Variants in HECW2 observed in about 807,000 individuals in gnomAD.
HECW2 encodes E3 ubiquitin-protein ligase HECW2.
In HECW2, 61 loss-of-function variants were observed where a neutral mutation model predicts 175.2. That is an observed-to-expected ratio of 0.35 (90% confidence interval 0.28 to 0.43). The LOEUF (loss-of-function observed/expected upper bound fraction) is 0.43. Ranked by LOEUF, HECW2 falls within the 20% of genes least tolerant of loss-of-function variation. The pLI is 1.00. For synonymous variants in HECW2, 671 were observed against 731.0 expected, an observed-to-expected ratio of 0.92 and a Z score of 1.32; for missense variants, 1,524 against 2,000.5, an observed-to-expected ratio of 0.76 and a Z score of 4.54.
Position 196,462,112 on chromosome 2 carries a change from A to G in HECW2, c.-35-28654T>C, listed in dbSNP as rs371937082. 1.2e-3 allele frequency among the ~76,000 whole-genome samples: 183 copies of G among 152,240 alleles called. 1 individual carries two copies. The South Asian group carries it at 0.019, about 16-fold the overall frequency. ...TTTAGAAACAGGTTTTTTCCTCTTC[A>G]TAACATAATTTGAATCATATTAAAG... is the stretch of plus-strand genomic sequence containing the variant. On this transcript the variant is annotated intron_variant, in intron 1 of 28. Transcript: ENST00000644978.
intron 13 of HECW2, among the ~76,000 whole-genome samples, chr2:196,297,427 A>G (rs1373497959): frequency 1.3e-5 from 2 of 152,240 alleles, no homozygotes; most frequent in African/African-American, 4.8e-5. Context: ...AGGTTGTAGA[A>G]GTAAATGTCA....
chr2:196,357,119 A>G (rs1479014908), intron 2 of HECW2, among the ~76,000 whole-genome samples: 1 of 152,244 alleles, frequency 6.6e-6, no homozygotes, highest in African/African-American at 2.4e-5. Flanking sequence ...TGTGCAGAAC[A>G]GATGGTAGAA....
chr2:196,246,698 T>C (rs1688659426), intron 19 of HECW2, among the ~76,000 whole-genome samples: 1 of 152,018 alleles, frequency 6.6e-6, no homozygotes, highest in African/African-American at 2.4e-5. Context: ...CCAAGAAACA[T>C]GTTTTTTTAA....
chr2:196,499,599 T>C (rs1687511163), intron 1 of HECW2, among the ~76,000 whole-genome samples: 1 of 152,158 alleles, frequency 6.6e-6, no homozygotes, highest in Non-Finnish European at 1.5e-5. Flanking sequence ...TCCAGACACA[T>C]TTTATCTTTA....
chr2:196,264,750 A>T (rs1331080435), intron 17 of HECW2, among the ~76,000 whole-genome samples: 1 of 152,216 alleles, frequency 6.6e-6, no homozygotes, highest in Non-Finnish European at 1.5e-5. Context: ...AAAATTAGAT[A>T]TATACGTGAT....
intron 21 of HECW2, among the ~76,000 whole-genome samples, chr2:196,237,963 A>G (rs556068510): frequency 6.6e-6 from 1 of 152,248 alleles, no homozygotes; most frequent in South Asian, 2.1e-4. Flanking sequence ...TGCCAGATAC[A>G]TGTGTTTTTA....
chr2:196,445,686 T>A (rs1418222543), intron 1 of HECW2, among the ~76,000 whole-genome samples: 1 of 152,184 alleles, frequency 6.6e-6, no homozygotes, highest in Non-Finnish European at 1.5e-5. Context: ...TTATGGGGCA[T>A]GATCAGCAGG....
At chr2:196,435,823 C>A (rs1335319901) in intron 1 of HECW2, among the ~76,000 whole-genome samples, 2 of 152,174 alleles carry the variant, frequency 1.3e-5, no homozygotes, top group Admixed American at 1.3e-4. Flanking sequence ...TTGGAGAGAA[C>A]TAAATAAATC....
At chr2:196,447,272 A>G (rs1466040427) in intron 1 of HECW2, among the ~76,000 whole-genome samples, 1 of 152,184 alleles carries the variant, frequency 6.6e-6, no homozygotes, top group African/African-American at 2.4e-5. Context: ...GCTCCACTCT[A>G]TTAACGGGCT....
At chr2:196,546,315 T>C (rs1251354706) in intron 1 of HECW2, among the ~76,000 whole-genome samples, 1 of 152,214 alleles carries the variant, frequency 6.6e-6, no homozygotes, top group Non-Finnish European at 1.5e-5. Flanking sequence ...TCATCACTTG[T>C]TTACACGTCT....
At chr2:196,307,741 T>A (rs1232969931) in intron 11 of HECW2, among the ~76,000 whole-genome samples, 194 bp downstream of exon 11, 1 of 152,132 alleles carries the variant, frequency 6.6e-6, no homozygotes, top group Admixed American at 6.5e-5. Context: ...AAGGTATATA[T>A]GTGGGTGAGT....
intron 2 of HECW2, among the ~76,000 whole-genome samples, chr2:196,394,067 T>A (rs1296574269): frequency 6.6e-6 from 1 of 151,004 alleles, no homozygotes; most frequent in African/African-American, 2.4e-5. Flanking sequence ...AAACACCACA[T>A]GTTCTCACTC....
intron 2 of HECW2, among the ~76,000 whole-genome samples, chr2:196,357,808 C>T (rs1479029146): frequency 6.6e-6 from 1 of 152,158 alleles, no homozygotes; most frequent in African/African-American, 2.4e-5. Flanking sequence ...TCTCTCCTGC[C>T]ACCTTGCGAA....
rs898314943 is a variant in HECW2 at position 196,341,989 on chromosome 2, C to T, written c.400+1668G>A. Among the ~76,000 whole-genome samples, 3 of 152,174 alleles carry T rather than the reference C, an allele frequency of 2.0e-5. No homozygotes were observed. The East Asian group carries it at 5.8e-4, about 29-fold the overall frequency. On this transcript the variant is annotated intron_variant, in intron 3 of 28. Transcript: ENST00000644978. ...AATGTTCACGTTTAGTAAGTGCTAT[C>T]TTTAAGTACTAGTACCCACACATTC...
rs1451485684 is a variant in HECW2 at position 196,391,569 on chromosome 2, A to G, written c.292+41563T>C. Among the ~76,000 whole-genome samples, 4 of 152,122 alleles carry G rather than the reference A, an allele frequency of 2.6e-5. No individual in the cohort carries two copies. In the East Asian group the frequency reaches 7.7e-4, roughly 29 times the overall value. ...AAAGGCTTATCACATGTAACCCCAT[A>G]GTTTTTCTACTTTTCAAAGTTTAGT... On this transcript the variant is annotated intron_variant, in intron 2 of 28. Coordinates refer to ENST00000644978, the MANE Select transcript of HECW2 (RefSeq NM_001348768.2).
At chr2:196,521,444 G>A (rs1688380597) in intron 1 of HECW2, among the ~76,000 whole-genome samples, 1 of 151,584 alleles carries the variant, frequency 6.6e-6, no homozygotes, top group African/African-American at 2.4e-5. Context: ...AAAGTCACTT[G>A]AATCCCTTCA....
chr2:196,513,329 C>T (rs56140428), intron 1 of HECW2, among the ~76,000 whole-genome samples: 1,539 of 152,158 alleles, frequency 0.01, 28 homozygotes, highest in African/African-American at 0.034. Context: ...GGCCACATGG[C>T]GAAATGTCAT....
In HECW2 at chr2:196,340,553, G is replaced by A. The variant is rs539477461; in HGVS notation, c.400+3104C>T. 6.4e-5 allele frequency among the ~76,000 whole-genome samples: 8 copies of A among 125,892 alleles called. No individual in the cohort carries two copies. The East Asian group carries it at 1.5e-3, about 23-fold the overall frequency. The allele number at this position is 125,892 out of a possible 152,430, so 82.6% of individuals were successfully genotyped here. On this transcript the variant is annotated intron_variant, in intron 3 of 28. Coordinates refer to ENST00000644978, the MANE Select transcript of HECW2 (RefSeq NM_001348768.2). ...GGAGGTTGCAGTGAGCCAAGAACAC[G>A]CCACTGCAGTCCAGCCTGGGAGACG...
intron 1 of HECW2, among the ~76,000 whole-genome samples, chr2:196,465,692 T>C (rs1447829199): frequency 1.3e-5 from 2 of 150,226 alleles, no homozygotes; most frequent in African/African-American, 4.8e-5. Context: ...GTTTCCTAAC[T>C]GTGCCATGCA....
Sources: gnomAD v4.1 joint callset for allele counts (sites outside exome capture counted in the v4.1 genomes callset) on GRCh38, gnomAD v4.1.1 for gene constraint, MANE v1.5 for transcripts, NCBI Gene and HGNC (gene_info 2026-07-23, HGNC 2026-07-21) for gene names.